Variants in RIMS2 observed in about 807,000 individuals in gnomAD.
The protein encoded by RIMS2 is regulating synaptic membrane exocytosis 2.
A neutral mutation model predicts 174.4 loss-of-function variants in RIMS2; 59 were observed. That is an observed-to-expected ratio of 0.34 (90% CI 0.27 to 0.42). RIMS2 has a LOEUF of 0.42. Ranked by LOEUF, RIMS2 falls within the 10% of genes least tolerant of loss-of-function variation. The pLI is 1.00. For synonymous variants in RIMS2, 606 were observed against 572.5 expected (o/e 1.06, Z -0.84); for missense variants, 1,620 against 1,666.3 (o/e 0.97, Z 0.48).
At chr8:104,176,237 C>T (rs1187288327) in intron 19 of RIMS2, among the ~76,000 whole-genome samples, 1 of 152,152 alleles carries the variant, frequency 6.6e-6, no homozygotes, top group African/African-American at 2.4e-5. Context: ...TTGCCTGTAT[C>T]TCCAGCTGTG....
At chr8:104,169,339 T>A (rs1435298106) in intron 19 of RIMS2, among the ~76,000 whole-genome samples, 5 of 33,264 alleles carry the variant, frequency 1.5e-4, no homozygotes, top group Non-Finnish European at 2.1e-4. Flanking sequence ...TATATATATA[T>A]AAAACAGATT....
intron 2 of RIMS2, among the ~76,000 whole-genome samples, chr8:103,730,381 A>G (rs1384348313): frequency 6.6e-6 from 1 of 152,032 alleles, no homozygotes; most frequent in African/African-American, 2.4e-5. Context: ...TCTTTTGCTG[A>G]TTGACACCTT....
chr8:103,757,698 G>A (rs1291373099), intron 2 of RIMS2, among the ~76,000 whole-genome samples: 1 of 152,172 alleles, frequency 6.6e-6, no homozygotes. Context: ...AAGATCTTGA[G>A]ATAGGGAGAT....
At chr8:103,757,201 T>C (rs1017180674) in intron 2 of RIMS2, among the ~76,000 whole-genome samples, 1 of 152,218 alleles carries the variant, frequency 6.6e-6, no homozygotes, top group Non-Finnish European at 1.5e-5. Context: ...GTTTTGTAGA[T>C]ATCCTTTATT....
At chr8:104,238,771 A>G (rs2099272250) in intron 19 of RIMS2, among the ~76,000 whole-genome samples, 1 of 152,210 alleles carries the variant, frequency 6.6e-6, no homozygotes, top group African/African-American at 2.4e-5. Context: ...ATAATTTTAG[A>G]AATTCATTGT....
In RIMS2 at chr8:103,837,592, A is replaced by G. The variant is rs534297435; in HGVS notation, c.699-47706A>G. Among the ~76,000 whole-genome samples the G allele has an allele frequency of 4.3e-4, 65 of 152,134 alleles. No homozygotes were observed. The South Asian group carries it at 0.011, about 27-fold the overall frequency. On this transcript the variant is annotated intron_variant, in intron 3 of 23. Coordinates refer to ENST00000504942, the Ensembl canonical transcript of RIMS2. ...TGTTCTCATTGTTCAATTCCCACCT[A>G]TGAGTGAGAACATGCGGTGTTTGGT...
intron 1 of RIMS2, among the ~76,000 whole-genome samples, chr8:103,617,168 G>T (rs879922804): frequency 2.5e-4 from 38 of 152,058 alleles, no homozygotes; most frequent in Non-Finnish European, 5.1e-4. Context: ...GTGAAAAGAG[G>T]CACATAGACC....
intron 19 of RIMS2, among the ~76,000 whole-genome samples, chr8:104,186,825 G>A (rs1002179778): frequency 1.1e-4 from 16 of 151,742 alleles, no homozygotes; most frequent in African/African-American, 3.9e-4. Flanking sequence ...GCCTATTCTA[G>A]GACCAAGTCA....
downstream of RIMS2, chr8:104,251,892 C>G: frequency 1.2e-6 from 1 of 864,042 alleles, no homozygotes; most frequent in African/African-American, 1.7e-5. Flanking sequence ...GGTTGCAAAC[C>G]CTGGTAACAC....
At chr8:103,516,526 TAAGAAAGAAATAA>T (rs1283759864) in intron 1 of RIMS2, among the ~76,000 whole-genome samples, 1 of 151,400 alleles carries the variant, frequency 6.6e-6, no homozygotes, top group Non-Finnish European at 1.5e-5. Context: ...TAAAAGCCAA[TAAGAAAGAAATAA>T]AGAGGGCCAG....
At chr8:103,891,228 T>A (rs2154521539) in intron 4 of RIMS2, among the ~76,000 whole-genome samples, 1 of 152,118 alleles carries the variant, frequency 6.6e-6, no homozygotes, top group African/African-American at 2.4e-5. Context: ...GTAAGGGTAA[T>A]TGTGTTTGGT....
intron 19 of RIMS2, among the ~76,000 whole-genome samples, chr8:104,107,162 G>C (rs2098085960): frequency 6.6e-6 from 1 of 152,006 alleles, no homozygotes. Context: ...CCAGGATCTT[G>C]TCTTTGTTCC....
intron 19 of RIMS2, among the ~76,000 whole-genome samples, chr8:104,060,134 C>G (rs2096953521): frequency 6.6e-6 from 1 of 151,820 alleles, no homozygotes; most frequent in Non-Finnish European, 1.5e-5. Flanking sequence ...GGAATAGTTT[C>G]AGAAGGAATG....
At chr8:104,227,239 C>T (rs1197920840) in intron 19 of RIMS2, among the ~76,000 whole-genome samples, 1 of 143,996 alleles carries the variant, frequency 6.9e-6, no homozygotes, top group Non-Finnish European at 1.5e-5. Flanking sequence ...ATCCTTTTCC[C>T]TGGGTGTATT....
chr8:104,231,081 A>T (rs2099225295), intron 19 of RIMS2, among the ~76,000 whole-genome samples: 1 of 152,146 alleles, frequency 6.6e-6, no homozygotes, highest in Non-Finnish European at 1.5e-5. Context: ...TTCATTCCCA[A>T]CTTTTCTCAG....
intron 19 of RIMS2, among the ~76,000 whole-genome samples, chr8:104,188,635 T>C (rs2098982030): frequency 1.3e-5 from 2 of 151,846 alleles, no homozygotes; most frequent in African/African-American, 4.8e-5. Context: ...CAGTTTACTC[T>C]AAATGCATGG....
intron 1 of RIMS2, among the ~76,000 whole-genome samples, chr8:103,620,054 C>A (rs1239336867): frequency 6.6e-6 from 1 of 152,132 alleles, no homozygotes; most frequent in Non-Finnish European, 1.5e-5. Flanking sequence ...CTAGCTGTCA[C>A]CACCCTTGCC....
intron 19 of RIMS2, among the ~76,000 whole-genome samples, chr8:104,190,625 G>A (rs977775187): frequency 6.6e-6 from 1 of 152,020 alleles, no homozygotes. Flanking sequence ...CTCAAGTTTA[G>A]TACTGAAAAG....
At chr8:103,849,855 G>A (rs996589655) in intron 3 of RIMS2, among the ~76,000 whole-genome samples, 4 of 151,938 alleles carry the variant, frequency 2.6e-5, no homozygotes, top group Non-Finnish European at 5.9e-5. Flanking sequence ...AGGAACTCTC[G>A]ACAGATTTCA....
Sources: gnomAD v4.1 joint callset for allele counts (sites outside exome capture counted in the v4.1 genomes callset) on GRCh38, gnomAD v4.1.1 for gene constraint, MANE v1.5 for transcripts, NCBI Gene and HGNC (gene_info 2026-07-23, HGNC 2026-07-21) for gene names.